The following ZSWIM2 variants were observed in gnomAD, a reference collection of about 807,000 sequenced individuals.
The protein encoded by ZSWIM2 is zinc finger SWIM-type containing 2.
In ZSWIM2, 38 loss-of-function variants were observed where a neutral mutation model predicts 48.4. The observed-to-expected ratio is 0.79, with a 90% CI of 0.61 to 1.03. The LOEUF is 1.03. ZSWIM2 is among the 50% of genes least tolerant of loss of function. ZSWIM2 has a pLI of 0.00. For missense variants in ZSWIM2, 776 were observed against 730.2 expected, an observed-to-expected ratio of 1.06 and a Z score of -0.72; for synonymous variants, 240 against 251.3, an observed-to-expected ratio of 0.96 and a Z score of 0.42.
intron 2 of ZSWIM2, among the ~76,000 whole-genome samples, chr2:186,846,112 C>G (rs953555688): frequency 7.9e-5 from 12 of 151,616 alleles, no homozygotes; most frequent in African/African-American, 2.9e-4. Flanking sequence ...GAAAATGCAA[C>G]AAAAAGAAAA....
In ZSWIM2 at chr2:186,849,117, C is replaced by T; in HGVS notation, c.14G>A (p.Gly5Asp). Residue 5 changes from glycine (G) to aspartate (D), a missense_variant, in exon 1 of 9, where the codon GGC becomes GAC. Gly to Asp is a moderately conservative substitution (Grantham distance 94, BLOSUM62 -1). Coordinates refer to ENST00000295131, the MANE Select transcript of ZSWIM2 (RefSeq NM_182521.3). MLRRGYKASERRRHL... is the reference protein window; with the variant it reads MLRRDYKASERRRHL... ...TCTTCGCCTTTCAGAGGCCTTATAG[C>T]CTCGGCGAAGCATGCTGGGTGCGGG... 1 of 1,611,330 alleles carries T rather than the reference C, an allele frequency of 6.2e-7. No individual in the cohort carries two copies.
In ZSWIM2 at chr2:186,849,058, G is replaced by C. The variant is rs1214381324; in HGVS notation, c.73C>G (p.Gln25Glu). Residue 25 changes from glutamine to glutamate, a missense_variant, in exon 1 of 9, where the codon CAG (glutamine) becomes GAG (glutamate). Coordinates refer to ENST00000295131, the MANE Select transcript of ZSWIM2 (RefSeq NM_182521.3). The part of the protein sequence containing the change: ...LSERLSWHQD[Q>E]ALSSSIYLLR... ...AGGTAGATGCTGCTACTCAGCGCCT[G>C]GTCTTGGTGCCAGCTGAGCCTCTCG... The C allele has an allele frequency of 5.0e-6, 8 of 1,614,036 alleles. No homozygotes were observed. The highest frequency in any genetic ancestry group is 6.8e-6 in the Non-Finnish European group (8 of 1,180,026).
At chr2:186,830,132 A>G (rs1293353359) in intron 7 of ZSWIM2, among the ~76,000 whole-genome samples, 1 of 152,194 alleles carries the variant, frequency 6.6e-6, no homozygotes, top group Non-Finnish European at 1.5e-5. Context: ...TAATCCCAGC[A>G]CTTCTGGGAG....
At chr2:186,844,927 T>C (rs1225410734) in intron 2 of ZSWIM2, among the ~76,000 whole-genome samples, 170 bp from the exon 3 acceptor site, 2 of 151,650 alleles carry the variant, frequency 1.3e-5, no homozygotes, top group South Asian at 2.1e-4. Context: ...GTTAAACTTA[T>C]GTTTTAAAAT....
chr2:186,841,620 C>G (rs990838637), intron 3 of ZSWIM2, among the ~76,000 whole-genome samples: 1 of 151,040 alleles, frequency 6.6e-6, no homozygotes, highest in Non-Finnish European at 1.5e-5. Flanking sequence ...GAAATAAATG[C>G]CTAATAGTGG....
rs1333736980 is a variant in ZSWIM2 at position 186,827,581 on chromosome 2, C to T, written c.*403G>A. On this transcript the variant is annotated 3_prime_UTR_variant, in exon 9 of 9. Coordinates refer to ENST00000295131, the MANE Select transcript of ZSWIM2 (RefSeq NM_182521.3). ...TTTTTTTATAGGTTTGTGGTAATTACTAGTGCAAGAAAAATGCAAAAAATA... is the reference window on the plus strand; with the variant it reads ...TTTTTTTATAGGTTTGTGGTAATTATTAGTGCAAGAAAAATGCAAAAAATA... Among the ~76,000 whole-genome samples, 1 of 151,360 alleles carries T rather than the reference C, an allele frequency of 6.6e-6. No homozygotes were observed. Among genetic ancestry groups the T allele is most frequent in the Non-Finnish European group, 1.5e-5 (1 of 67,848 alleles).
chr2:186,837,226 C>T (rs574758771), intron 5 of ZSWIM2, 80 bp downstream of exon 5: 25 of 1,477,078 alleles, frequency 1.7e-5, no homozygotes, highest in African/African-American at 1.4e-4. Flanking sequence ...GGCTACAGAA[C>T]GGGTACTCTA....
chr2:186,838,926 T>C (rs764498248), intron 4 of ZSWIM2, 33 bp downstream of exon 4: 2 of 1,567,692 alleles, frequency 1.3e-6, no homozygotes, highest in Non-Finnish European at 8.6e-7. Flanking sequence ...AATTTTTAAT[T>C]AGTTTTAAGA....
rs74642715 is a variant in ZSWIM2, at chr2:186,844,679, A to T, written c.283+38T>A. The T allele has an allele frequency of 5.8e-3, 8,172 of 1,400,216 alleles. 386 individuals carry two copies. The African/African-American group carries it at 0.11, about 19-fold the overall frequency. 86.7% of individuals were successfully genotyped at this position (1,400,216 alleles called of 1,614,324 possible). On this transcript the variant is annotated intron_variant, in intron 3 of 8. Transcript: ENST00000295131. ...TTTGTTAACTTCAAAGTAGTAAAAT[A>T]AAAAAAAAACACAAAAAACCCAAAC...
chr2:186,833,316 A>G (rs1181143959), intron 6 of ZSWIM2, 84 bp from the exon 7 acceptor site: 1 of 614,774 alleles, frequency 1.6e-6, no homozygotes, highest in Non-Finnish European at 2.8e-6. Context: ...TTGCGTATCA[A>G]TAATGTGAAC....
Position 186,838,199 on chromosome 2 carries a change from CT to C in ZSWIM2, c.495-646del, listed in dbSNP as rs1242630331. On this transcript the variant is annotated intron_variant, in intron 4 of 8. Transcript: ENST00000295131. ...TGTGAAGAAAAGTATGAACATTAGA[CT>C]CTCAATAAAGATTTAAAGTATAATA... Among the ~76,000 whole-genome samples the C allele has an allele frequency of 2.0e-5, 3 of 150,308 alleles. No individual in the cohort carries two copies. The East Asian group carries it at 5.8e-4, about 29-fold the overall frequency.
intron 3 of ZSWIM2, among the ~76,000 whole-genome samples, chr2:186,844,088 C>T (rs181915267): frequency 1.5e-4 from 22 of 151,582 alleles, no homozygotes; most frequent in African/African-American, 4.6e-4. Context: ...TCAAACAATT[C>T]CTTAACTGCA....
intron 4 of ZSWIM2, among the ~76,000 whole-genome samples, chr2:186,838,291 G>A (rs1691835165): frequency 6.7e-6 from 1 of 150,200 alleles, no homozygotes; most frequent in Non-Finnish European, 1.5e-5. Flanking sequence ...AACAAGAATT[G>A]GTTATGTAGA....
intron 6 of ZSWIM2, 116 bp from the exon 7 acceptor site, chr2:186,833,348 A>G: frequency 2.0e-6 from 1 of 502,322 alleles, no homozygotes; most frequent in Non-Finnish European, 3.5e-6. Flanking sequence ...TTTTAAGCAT[A>G]TATATTATTT....
intron 7 of ZSWIM2, 134 bp downstream of exon 7, chr2:186,832,986 A>G: frequency 2.5e-6 from 1 of 392,666 alleles, no homozygotes; most frequent in East Asian, 4.8e-5. Context: ...ACTGGATGGT[A>G]CAATGCCACC....
chr2:186,832,919 TGTGTA>T (rs1195764122), intron 7 of ZSWIM2, among the ~76,000 whole-genome samples, 196 bp downstream of exon 7: 1 of 152,128 alleles, frequency 6.6e-6, no homozygotes, highest in Non-Finnish European at 1.5e-5. Context: ...ACATAGCCAA[TGTGTA>T]GTTGAACTAT....
rs1431507207 is a variant in ZSWIM2 at position 186,846,864 on chromosome 2, A to G, written c.242+855T>C. Among the ~76,000 whole-genome samples, 2 of 150,876 alleles carry G rather than the reference A, an allele frequency of 1.3e-5. 1 individual carries two copies. The highest frequency in any genetic ancestry group is 3.0e-5 in the Non-Finnish European group (2 of 67,742). On this transcript the variant is annotated intron_variant, in intron 2 of 8. Transcript: ENST00000295131. ...CTCAGCCATAAAAATTAATGAACTC[A>G]TGTCTTTTGTAGCAGCATGGATGGA...
chr2:186,829,908 T>C, intron 7 of ZSWIM2, 28 bp from the exon 8 acceptor site: 1 of 1,611,100 alleles, frequency 6.2e-7, no homozygotes. Flanking sequence ...GAGACATGAG[T>C]GTTTACATGT....
rs550131836 is a variant in ZSWIM2, at chr2:186,828,371, A to G, written c.1515T>C (p.Phe505=). 6.2e-7 allele frequency: 1 copy of G among 1,613,772 alleles called. No individual in the cohort carries two copies. Among genetic ancestry groups the G allele is most frequent in the African/African-American group, 1.3e-5 (1 of 75,024 alleles). The stretch of plus-strand genomic sequence containing the variant: ...GCAGTGTTTGAGATGGTATTTTCCC[A>G]AATGACACAGTGGGTAAATCTTGAA... The part of the protein sequence containing the change: ...RYLQDLPTVS[F]GKIPSQTLLP... The change falls in exon 9 of 9, where the codon TTT becomes TTC. Residue 505 remains phenylalanine, a synonymous_variant. Coordinates refer to ENST00000295131, the MANE Select transcript of ZSWIM2 (RefSeq NM_182521.3).
Sources: allele counts gnomAD v4.1 joint callset (sites outside exome capture counted in the v4.1 genomes callset), GRCh38; gene constraint gnomAD v4.1.1; transcripts MANE v1.5; gene names NCBI Gene and HGNC (gene_info 2026-07-23, HGNC 2026-07-21).